MAML2: variants seen among roughly 807,000 people sequenced by gnomAD.
MAML2 encodes the protein mastermind-like protein 2.
MAML2 carries 22 observed loss-of-function variants against 96.1 expected under a neutral mutation model. The ratio of observed to expected loss-of-function variants is 0.23; its 90% confidence interval spans 0.16 to 0.33. MAML2 has a LOEUF of 0.33. Ranked by LOEUF, MAML2 falls within the 10% of genes least tolerant of loss-of-function variation. MAML2 has a pLI of 1.00. For missense variants in MAML2, 1,367 were observed against 1,392.4 expected, an observed-to-expected ratio of 0.98 and a Z score of 0.29; for synonymous variants, 561 against 521.3, an observed-to-expected ratio of 1.08 and a Z score of -1.04.
At chr11:96,071,829 A>G (rs1859349580) in intron 2 of MAML2, among the ~76,000 whole-genome samples, 1 of 152,198 alleles carries the variant, frequency 6.6e-6, no homozygotes, top group Admixed American at 6.5e-5. Flanking sequence ...ATAGAGGGAT[A>G]CATTAAAACA....
chr11:96,121,975 T>A (rs1860354784), intron 1 of MAML2, among the ~76,000 whole-genome samples: 5 of 112,174 alleles, frequency 4.5e-5, no homozygotes, highest in South Asian at 3.2e-4. Flanking sequence ...TTTTTTTTTT[T>A]TTTTTTTGTA....
chr11:96,199,678 C>A (rs1861787603), intron 1 of MAML2, among the ~76,000 whole-genome samples: 1 of 152,166 alleles, frequency 6.6e-6, no homozygotes, highest in African/African-American at 2.4e-5. Flanking sequence ...CCACGCCCCT[C>A]CTATTTTAGG....
At chr11:96,320,623 A>C (rs1212047313) in intron 1 of MAML2, among the ~76,000 whole-genome samples, 1 of 152,194 alleles carries the variant, frequency 6.6e-6, no homozygotes, top group Non-Finnish European at 1.5e-5. Flanking sequence ...TTTCCAGATT[A>C]ATGTACAGTG....
intron 2 of MAML2, among the ~76,000 whole-genome samples, chr11:96,044,908 G>T (rs1858871670): frequency 6.6e-6 from 1 of 152,234 alleles, no homozygotes; most frequent in African/African-American, 2.4e-5. Flanking sequence ...TGACTTTCGT[G>T]AATCAGGATA....
At chr11:96,076,544 G>T (rs1160346169) in intron 2 of MAML2, among the ~76,000 whole-genome samples, 1 of 151,826 alleles carries the variant, frequency 6.6e-6, no homozygotes, top group East Asian at 1.9e-4. Context: ...GGTCCCTGAG[G>T]GAAGCCTCGG....
intron 1 of MAML2, among the ~76,000 whole-genome samples, chr11:96,204,958 G>A (rs1861876277): frequency 6.6e-6 from 1 of 152,168 alleles, no homozygotes; most frequent in Admixed American, 6.5e-5. Context: ...TGGCATCAGT[G>A]AACTTCTTAA....
intron 1 of MAML2, among the ~76,000 whole-genome samples, chr11:96,207,725 A>T (rs1256130881): frequency 6.6e-6 from 1 of 152,246 alleles, no homozygotes; most frequent in Non-Finnish European, 1.5e-5. Context: ...ACCAGTGATG[A>T]TTACAAAATA....
chr11:96,314,550 A>G (rs1213093760), intron 1 of MAML2, among the ~76,000 whole-genome samples: 3 of 152,202 alleles, frequency 2.0e-5, no homozygotes, highest in African/African-American at 7.2e-5. Flanking sequence ...TAAGAGGTAT[A>G]ATAAGCATTT....
chr11:96,018,833 C>G (rs1858394447), intron 2 of MAML2, among the ~76,000 whole-genome samples: 2 of 152,202 alleles, frequency 1.3e-5, no homozygotes, highest in South Asian at 4.1e-4. Context: ...AAGTGATATG[C>G]CTGCCTCCAC....
intron 1 of MAML2, among the ~76,000 whole-genome samples, chr11:96,176,612 A>G (rs1322175687): frequency 2.0e-5 from 3 of 152,088 alleles, no homozygotes; most frequent in Non-Finnish European, 4.4e-5. Flanking sequence ...CCTATGAGAA[A>G]ATGGAAAAGG....
chr11:96,339,429 T>C (rs756131291), intron 1 of MAML2, among the ~76,000 whole-genome samples: 1 of 152,158 alleles, frequency 6.6e-6, no homozygotes, highest in Non-Finnish European at 1.5e-5. Context: ...TACTGCCAAG[T>C]TGGACAAAAG....
chr11:96,245,927 A>T (rs1862506111), intron 1 of MAML2, among the ~76,000 whole-genome samples: 1 of 151,112 alleles, frequency 6.6e-6, no homozygotes, highest in African/African-American at 2.4e-5. Context: ...CTGGTTTCGA[A>T]CTCCTGACCT....
chr11:96,211,446 TAA>T (rs5793789), intron 1 of MAML2, among the ~76,000 whole-genome samples: 28 of 141,580 alleles, frequency 2.0e-4, no homozygotes, highest in African/African-American at 2.3e-4. Flanking sequence ...TCTTTGAAAT[TAA>T]AAAAAAAAAA....
chr11:96,099,302 C>A (rs902637868), intron 1 of MAML2, among the ~76,000 whole-genome samples: 35 of 152,110 alleles, frequency 2.3e-4, no homozygotes, highest in African/African-American at 8.2e-4. Flanking sequence ...TGTTTAGGAT[C>A]CAGGAATAGT....
chr11:96,323,634 C>T (rs1017971866), intron 1 of MAML2, among the ~76,000 whole-genome samples: 1 of 152,258 alleles, frequency 6.6e-6, no homozygotes, highest in African/African-American at 2.4e-5. Flanking sequence ...ACAGTATAAT[C>T]TGGTCCTGAT....
intron 2 of MAML2, among the ~76,000 whole-genome samples, chr11:96,044,358 G>A (rs929675522): frequency 3.9e-5 from 6 of 152,174 alleles, no homozygotes; most frequent in Non-Finnish European, 7.3e-5. Flanking sequence ...TAGGGTGGTG[G>A]TAAAGGTTCT....
chr11:96,140,259 T>C (rs1297823712), intron 1 of MAML2, among the ~76,000 whole-genome samples: 2 of 152,264 alleles, frequency 1.3e-5, no homozygotes, highest in East Asian at 3.8e-4. Context: ...CAATTCATTT[T>C]CACCTTCTTG....
At chr11:96,066,082 T>C (rs1393817496) in intron 2 of MAML2, among the ~76,000 whole-genome samples, 1 of 152,194 alleles carries the variant, frequency 6.6e-6, no homozygotes, top group African/African-American at 2.4e-5. Context: ...CTCTTATGGC[T>C]CTGGAGCTCA....
intron 2 of MAML2, among the ~76,000 whole-genome samples, chr11:96,068,915 C>CTTT (rs71040128): frequency 9.4e-6 from 1 of 106,480 alleles, no homozygotes; most frequent in Non-Finnish European, 1.8e-5. Context: ...TTCTTCCCTC[C>CTTT]TTTTTTTTTT....
Sources: gnomAD v4.1 joint callset for allele counts (sites outside exome capture counted in the v4.1 genomes callset) on GRCh38, gnomAD v4.1.1 for gene constraint, MANE v1.5 for transcripts, NCBI Gene and HGNC (gene_info 2026-07-23, HGNC 2026-07-21) for gene names.